ENTPD5: variants seen among roughly 807,000 people sequenced by gnomAD.
ENTPD5 encodes the protein ectonucleoside triphosphate diphosphohydrolase 5 (inactive).
ENTPD5 carries 49 observed loss-of-function variants against 60.2 expected under a neutral mutation model. That is an observed-to-expected ratio of 0.81 (90% CI 0.65 to 1.03). The LOEUF (loss-of-function observed/expected upper bound fraction) is 1.03. Ranked by LOEUF, ENTPD5 falls within the 50% of genes least tolerant of loss-of-function variation. The pLI, the probability that ENTPD5 is intolerant of heterozygous loss-of-function variation, is 0.00. For synonymous variants in ENTPD5, 187 were observed against 185.4 expected, an observed-to-expected ratio of 1.01 and a Z score of -0.07; for missense variants, 480 against 507.6, an observed-to-expected ratio of 0.95 and a Z score of 0.52.
chr14:74,010,510 A>C (rs186304924), intron 3 of ENTPD5, among the ~76,000 whole-genome samples: 5 of 152,200 alleles, frequency 3.3e-5, no homozygotes, highest in Admixed American at 1.3e-4. Context: ...GCCGTGATCA[A>C]GCCATTGCAC....
rs2056973154 is a variant in ENTPD5, at chr14:73,966,452, T to C, written c.*476A>G. 1 of 151,624 alleles carries C rather than the reference T, an allele frequency of 6.6e-6. No homozygotes were observed. The highest frequency in any genetic ancestry group is 1.5e-5 in the Non-Finnish European group (1 of 68,168). 9.4% of individuals were successfully genotyped at this position (151,624 alleles called of 1,614,324 possible). On this transcript the variant is annotated 3_prime_UTR_variant, in exon 16 of 16. Transcript: ENST00000334696. ...CCATTTTGCGTTGTTGAATTATACA[T>C]GGAAAGCAAAACCAGGTTTTTTTTT... is the stretch of plus-strand genomic sequence containing the variant.
rs1420345733 is a variant in ENTPD5, at chr14:73,976,431, C to T, written c.554-19G>A. 4 of 1,605,430 alleles carry T rather than the reference C, an allele frequency of 2.5e-6. No homozygotes were observed. The African/African-American group carries it at 4.0e-5, about 16-fold the overall frequency. ...AGCTGACCTGTCAAATGAGAGCCAGCTCTAAATAGCCTCGACATCCTGGGC... is the reference window on the plus strand; with the variant it reads ...AGCTGACCTGTCAAATGAGAGCCAGTTCTAAATAGCCTCGACATCCTGGGC... On this transcript the variant is annotated intron_variant, in intron 8 of 15. Coordinates refer to ENST00000334696, the MANE Select transcript of ENTPD5 (RefSeq NM_001249.5).
intron 2 of ENTPD5, among the ~76,000 whole-genome samples, chr14:74,014,779 C>T (rs1444427522): frequency 6.6e-6 from 1 of 151,980 alleles, no homozygotes; most frequent in Non-Finnish European, 1.5e-5. Context: ...AATAAAAAAG[C>T]AGGATGAAAG....
At chr14:73,955,953 C>T (rs563264718), downstream of ENTPD5, 3 of 1,613,646 alleles carry the variant, frequency 1.9e-6, no homozygotes, top group Admixed American at 1.7e-5. Flanking sequence ...TTCCACCTTG[C>T]ATTCATTGGG....
At chr14:73,983,675 A>AATT (rs149008443) in intron 5 of ENTPD5, among the ~76,000 whole-genome samples, 4 of 127,670 alleles carry the variant, frequency 3.1e-5, no homozygotes, top group East Asian at 2.6e-4. Flanking sequence ...CCTAATAAAA[A>AATT]ATTATTATTA....
intron 3 of ENTPD5, chr14:73,996,246 G>A (rs565606017): frequency 1.0e-6 from 1 of 963,508 alleles, no homozygotes. Context: ...AACTAACAGT[G>A]TGGCATTTTG....
downstream of ENTPD5, chr14:73,958,223 C>G (rs1404226423): frequency 2.5e-6 from 4 of 1,613,932 alleles, no homozygotes; most frequent in Non-Finnish European, 2.5e-6. Flanking sequence ...CCGACTCCAG[C>G]CCTTGGGTTC....
At chr14:73,985,677 C>T (rs1427247434) in intron 5 of ENTPD5, among the ~76,000 whole-genome samples, 1 of 152,078 alleles carries the variant, frequency 6.6e-6, no homozygotes, top group African/African-American at 2.4e-5. Context: ...AAAATTTTCT[C>T]CCGTTCTGTA....
downstream of ENTPD5, chr14:73,961,219 T>C (rs1354393131): frequency 6.2e-7 from 1 of 1,614,110 alleles, no homozygotes; most frequent in South Asian, 1.1e-5. Context: ...GCTGGTGCCA[T>C]GCTGCAGTAT....
downstream of ENTPD5, chr14:73,958,010 T>C: frequency 1.3e-6 from 1 of 771,138 alleles, no homozygotes; most frequent in East Asian, 2.5e-5. Flanking sequence ...GACCACAGCA[T>C]TAATTACTGA....
Position 73,996,099 on chromosome 14 carries a change from T to C in ENTPD5, c.-70-7927A>G, listed in dbSNP as rs2058333977. ...TCCCAGAGGACCTGGGCCCCATTCA[T>C]GTGCTCACCTGCTTGTGTCTGCCGG... On this transcript the variant is annotated intron_variant, in intron 3 of 15. Coordinates refer to ENST00000334696, the MANE Select transcript of ENTPD5 (RefSeq NM_001249.5). 7 of 979,998 alleles carry C rather than the reference T, an allele frequency of 7.1e-6. No individual in the cohort carries two copies. The South Asian group carries it at 2.8e-4, about 40-fold the overall frequency. The allele number at this position is 979,998 out of a possible 1,614,324, so 60.7% of individuals were successfully genotyped here.
At chr14:73,993,374 G>C (rs1255282088) in intron 3 of ENTPD5, among the ~76,000 whole-genome samples, 1 of 152,156 alleles carries the variant, frequency 6.6e-6, no homozygotes, top group South Asian at 2.1e-4. Context: ...TTTGGTCTTA[G>C]GTACTACCAA....
downstream of ENTPD5, chr14:73,958,771 T>C: frequency 2.0e-6 from 3 of 1,484,572 alleles, no homozygotes; most frequent in Non-Finnish European, 2.7e-6. Context: ...TTCAGTCATG[T>C]CCAGCTTTGG....
Position 73,986,043 on chromosome 14 carries a change from G to A in ENTPD5, c.297+771C>T, listed in dbSNP as rs574318552. ...GCCGAGATCAGGCCACTGCACTCCA[G>A]CCTGGGTAACAGAGTGATACTCCGT... On this transcript the variant is annotated intron_variant, in intron 5 of 15. Transcript: ENST00000334696. 5.5e-5 allele frequency among the ~76,000 whole-genome samples: 8 copies of A among 144,982 alleles called. No homozygotes were observed. The East Asian group carries it at 1.6e-3, about 30-fold the overall frequency.
chr14:73,993,211 CCTGTG>C (rs2058210184), intron 3 of ENTPD5, among the ~76,000 whole-genome samples: 2 of 152,040 alleles, frequency 1.3e-5, no homozygotes, highest in African/African-American at 4.8e-5. Flanking sequence ...GTGGCATGCA[CCTGTG>C]GTCCTAGCTA....
At chr14:73,957,337 G>A (rs558154379), downstream of ENTPD5, among the ~76,000 whole-genome samples, 1 of 152,072 alleles carries the variant, frequency 6.6e-6, no homozygotes, top group Non-Finnish European at 1.5e-5. Context: ...CACCCACCTC[G>A]GCCTCCCAAA....
At chr14:73,993,921 C>CAAA (rs144253560) in intron 3 of ENTPD5, among the ~76,000 whole-genome samples, 2 of 93,274 alleles carry the variant, frequency 2.1e-5, no homozygotes, top group African/African-American at 6.4e-5. Flanking sequence ...CACGAAAAAA[C>CAAA]AAACAAAAAA....
At chr14:74,004,635 G>A (rs2058615072) in intron 3 of ENTPD5, among the ~76,000 whole-genome samples, 1 of 152,190 alleles carries the variant, frequency 6.6e-6, no homozygotes, top group South Asian at 2.1e-4. Flanking sequence ...TGGTTGGCAA[G>A]TTGATGCCAG....
chr14:73,989,354 G>C (rs2058037765), intron 3 of ENTPD5, among the ~76,000 whole-genome samples: 1 of 148,930 alleles, frequency 6.7e-6, no homozygotes. Flanking sequence ...GTGAGGTCAG[G>C]AGTTCGAGAC....
Sources: allele counts gnomAD v4.1 joint callset (sites outside exome capture counted in the v4.1 genomes callset), GRCh38; gene constraint gnomAD v4.1.1; transcripts MANE v1.5; gene names NCBI Gene and HGNC (gene_info 2026-07-23, HGNC 2026-07-21).